PTPRT: variants seen among roughly 807,000 people sequenced by gnomAD.
PTPRT encodes receptor-type tyrosine-protein phosphatase T.
PTPRT carries 56 observed loss-of-function variants against 176.8 expected under a neutral mutation model. The ratio of observed to expected loss-of-function variants is 0.32; its 90% confidence interval spans 0.26 to 0.40. PTPRT has a LOEUF of 0.40. Ranked by LOEUF, PTPRT falls within the 10% of genes least tolerant of loss-of-function variation. The pLI is 1.00. For synonymous variants in PTPRT, 783 were observed against 739.0 expected (o/e 1.06, Z -0.96); for missense variants, 1,540 against 1,908.2 (o/e 0.81, Z 3.60).
chr20:42,562,622 G>C (rs1376624607), intron 7 of PTPRT, among the ~76,000 whole-genome samples: 1 of 152,088 alleles, frequency 6.6e-6, no homozygotes, highest in Non-Finnish European at 1.5e-5. Context: ...TTATTCCATG[G>C]TCCAGTACCA....
intron 2 of PTPRT, among the ~76,000 whole-genome samples, chr20:42,876,498 G>A (rs1400137031): frequency 6.6e-6 from 1 of 151,986 alleles, no homozygotes; most frequent in African/African-American, 2.4e-5. Flanking sequence ...TTATTTGCCC[G>A]AAGGATCCTG....
rs182095412 is a variant in PTPRT at position 42,475,268 on chromosome 20, A to T, written c.1154-2706T>A. Reference sequence around the variant, plus strand: ...ATTAGTACAGAGTAGCAAGGCCAGCAGGTGACAAAGTGCGGTTTTGAACTT... The same window carrying T: ...ATTAGTACAGAGTAGCAAGGCCAGCTGGTGACAAAGTGCGGTTTTGAACTT... On this transcript the variant is annotated intron_variant, in intron 7 of 30. Transcript: ENST00000373187. 6.5e-3 allele frequency among the ~76,000 whole-genome samples: 986 copies of T among 152,298 alleles called. 2 individuals are homozygous for T. Among genetic ancestry groups the T allele is most frequent in the Non-Finnish European group, 8.6e-3 (587 of 68,034 alleles).
chr20:42,949,078 A>T (rs1180860206), intron 1 of PTPRT, among the ~76,000 whole-genome samples: 2 of 152,152 alleles, frequency 1.3e-5, no homozygotes, highest in Non-Finnish European at 2.9e-5. Context: ...CTCTACTATG[A>T]TATCATCCCA....
intron 2 of PTPRT, among the ~76,000 whole-genome samples, chr20:42,859,924 T>C (rs374232550): frequency 6.6e-6 from 1 of 152,100 alleles, no homozygotes; most frequent in Non-Finnish European, 1.5e-5. Flanking sequence ...GATGTTTAGG[T>C]TCTTAGGGAC....
chr20:42,061,276 A>T, the PTPRT span, among the ~76,000 whole-genome samples: 1 of 152,096 alleles, frequency 6.6e-6, no homozygotes, highest in African/African-American at 2.4e-5. Flanking sequence ...AGAGTTTCTT[A>T]AAAGTCTGAG....
At chr20:42,579,671 A>AT (rs1049057885) in intron 7 of PTPRT, among the ~76,000 whole-genome samples, 3 of 151,974 alleles carry the variant, frequency 2.0e-5, no homozygotes, top group African/African-American at 7.3e-5. Context: ...GATGATGAGC[A>AT]TTTTTTTCAT....
chr20:42,703,529 C>T (rs552621004), intron 6 of PTPRT, among the ~76,000 whole-genome samples: 4 of 152,132 alleles, frequency 2.6e-5, no homozygotes, highest in Non-Finnish European at 5.9e-5. Context: ...GTGCAGTGGG[C>T]CCAGCAACAT....
intron 4 of PTPRT, among the ~76,000 whole-genome samples, chr20:42,773,149 T>C (rs1472349305): frequency 2.0e-5 from 3 of 152,250 alleles, no homozygotes; most frequent in African/African-American, 7.2e-5. Context: ...TTCAGGTTTC[T>C]GTCCATGCTC....
In PTPRT at chr20:42,481,237, T is replaced by TG. The variant is rs200137497; in HGVS notation, c.1154-8676dup. Among the ~76,000 whole-genome samples, 1,189 of 152,314 alleles carry TG rather than the reference T, an allele frequency of 7.8e-3. 11 individuals are homozygous for TG. The highest frequency in any genetic ancestry group is 0.014 in the Middle Eastern group (4 of 294). ...GGCTATAGCATGCTTACTCTTGTTA[T>TG]GGAGGTAAAATAAATGACTATGATT... On this transcript the variant is annotated intron_variant, in intron 7 of 30. Transcript: ENST00000373187.
chr20:42,493,887 C>G (rs983269075), intron 7 of PTPRT, among the ~76,000 whole-genome samples: 2 of 151,396 alleles, frequency 1.3e-5, no homozygotes, highest in Non-Finnish European at 2.9e-5. Context: ...AGCATTTGGC[C>G]CAGCTCATTT....
At chr20:43,088,333 GGTGT>G (rs67837016) in intron 1 of PTPRT, among the ~76,000 whole-genome samples, 12,960 of 142,658 alleles carry the variant, frequency 0.091, 727 homozygotes, top group African/African-American at 0.16. Context: ...TTTGCTTTGG[GGTGT>G]GTGTGTGTGT....
intron 7 of PTPRT, among the ~76,000 whole-genome samples, chr20:42,482,091 C>T (rs955770578): frequency 6.6e-6 from 1 of 151,928 alleles, no homozygotes; most frequent in African/African-American, 2.4e-5. Flanking sequence ...GAAAAAGGGA[C>T]CTTGGGCAAA....
intron 1 of PTPRT, among the ~76,000 whole-genome samples, chr20:43,002,373 G>T (rs1284305905): frequency 1.3e-5 from 2 of 152,110 alleles, no homozygotes; most frequent in Admixed American, 1.3e-4. Flanking sequence ...TAACGTAGGG[G>T]ATCTGATTAA....
chr20:42,328,370 T>C (rs1428382334), intron 11 of PTPRT, among the ~76,000 whole-genome samples: 5 of 152,134 alleles, frequency 3.3e-5, no homozygotes, highest in Admixed American at 2.0e-4. Context: ...TCCCATGTCA[T>C]AGAAACAATT....
At chr20:42,765,850 C>T (rs2076975877) in intron 5 of PTPRT, among the ~76,000 whole-genome samples, 1 of 151,814 alleles carries the variant, frequency 6.6e-6, no homozygotes, top group Non-Finnish European at 1.5e-5. Flanking sequence ...GATACCATTC[C>T]CTCATTTACT....
chr20:43,168,634 G>T (rs1487882749), intron 1 of PTPRT, among the ~76,000 whole-genome samples: 1 of 152,140 alleles, frequency 6.6e-6, no homozygotes, highest in African/African-American at 2.4e-5. Context: ...AATCAAAGAA[G>T]TTAGAGGAAG....
chr20:42,884,475 C>T (rs1213138188), intron 2 of PTPRT, among the ~76,000 whole-genome samples: 3 of 152,114 alleles, frequency 2.0e-5, no homozygotes, highest in Non-Finnish European at 2.9e-5. Flanking sequence ...TGGAAAACCC[C>T]GTTCTCCAGA....
chr20:42,877,850 G>C (rs1177733529), intron 2 of PTPRT, among the ~76,000 whole-genome samples: 1 of 152,112 alleles, frequency 6.6e-6, no homozygotes, highest in African/African-American at 2.4e-5. Flanking sequence ...CACTATTCTT[G>C]CTAAAGCCCA....
chr20:42,603,828 T>C (rs1182516572), intron 7 of PTPRT, among the ~76,000 whole-genome samples: 1 of 152,142 alleles, frequency 6.6e-6, no homozygotes, highest in Non-Finnish European at 1.5e-5. Context: ...GGAGAGGATA[T>C]TGGCGCAAAC....
Sources: allele counts gnomAD v4.1 joint callset (sites outside exome capture counted in the v4.1 genomes callset), GRCh38; gene constraint gnomAD v4.1.1; transcripts MANE v1.5; gene names NCBI Gene and HGNC (gene_info 2026-07-23, HGNC 2026-07-21).